BRIP1: variants seen among roughly 807,000 people sequenced by gnomAD.
The protein encoded by BRIP1 is Fanconi anemia group J protein.
BRIP1 carries 88 observed loss-of-function variants against 119.7 expected under a neutral mutation model. The observed-to-expected ratio is 0.74, with a 90% confidence interval of 0.62 to 0.88. BRIP1 has a LOEUF of 0.88. Among genes scored for constraint, BRIP1 ranks in the 40% least tolerant of loss-of-function variants. The probability of loss-of-function intolerance (pLI) is 0.00; values close to 1 mark genes in which losing one functional copy is unlikely to be tolerated. For synonymous variants in BRIP1, 443 were observed against 496.5 expected (o/e 0.89, Z 1.43); for missense variants, 1,259 against 1,455.4 (o/e 0.87, Z 2.20).
At chr17:61,830,155 A>G (rs2078469571) in intron 6 of BRIP1, among the ~76,000 whole-genome samples, 1 of 151,966 alleles carries the variant, frequency 6.6e-6, no homozygotes, top group South Asian at 2.1e-4. Context: ...CCTGGTCTCA[A>G]ACTCCTGGCC....
chr17:61,683,475 T>C lies in BRIP1; in HGVS notation c.3571A>G (p.Ile1191Val), dbSNP rs761405340. 55 of 1,613,520 alleles carry C rather than the reference T, an allele frequency of 3.4e-5. No homozygotes were observed. The highest frequency in any genetic ancestry group is 4.4e-5 in the South Asian group (4 of 91,080). ...SAREVKAEDC[I>V]DTKLNGILHI... The stretch of plus-strand genomic sequence containing the variant: ...AGAATTCCATTCAACTTTGTATCTA[T>C]GCAATCCTCAGCTTTCACTTCTCTG... The change falls in exon 20 of 20, where the codon ATA becomes GTA. Residue 1191 changes from isoleucine (I) to valine (V), a missense_variant. Transcript: ENST00000259008. This position sits in a 1 kb window ranked among gnomAD's most constrained non-coding sequence, Gnocchi z 4.7.
chr17:61,762,909 G>GA lies in BRIP1; in HGVS notation c.2097+13491dup, dbSNP rs2077298514. On this transcript the variant is annotated intron_variant, in intron 14 of 19. Transcript: ENST00000259008. The surrounding 1 kb of genome is among the most constrained non-coding windows in gnomAD (Gnocchi z 4.3). ...TAAAATTTGAAGTCAGTTTGCAGAA[G>GA]AAATATCTACACTCCCTCGTTCACT... Among the ~76,000 whole-genome samples, 1 of 151,960 alleles carries GA rather than the reference G, an allele frequency of 6.6e-6. No homozygotes were observed.
In BRIP1 at chr17:61,759,344, C is replaced by CAA. The variant is rs534501720; in HGVS notation, c.2098-14755_2098-14754dup. Among the ~76,000 whole-genome samples the CAA allele has an allele frequency of 5.3e-5, 8 of 151,612 alleles. No homozygotes were observed. The highest frequency in any genetic ancestry group is 1.2e-4 in the Non-Finnish European group (8 of 67,854). On this transcript the variant is annotated intron_variant, in intron 14 of 19. Coordinates refer to ENST00000259008, the MANE Select transcript of BRIP1 (RefSeq NM_032043.3). The surrounding 1 kb of genome is among the most constrained non-coding windows in gnomAD (Gnocchi z 4.9). ...AGAAACAACGAAGAACATTATTTAA[C>CAA]AAAAAAAGGTCAATTCATCAAGAGG...
intron 9 of BRIP1, among the ~76,000 whole-genome samples, chr17:61,797,306 A>C (rs1214816878): frequency 1.4e-5 from 2 of 147,688 alleles, no homozygotes; most frequent in African/African-American, 2.6e-5. Flanking sequence ...AGAAATGATA[A>C]AAAAAAATGG....
At position 61,679,247 on chromosome 17, in the gene BRIP1, TAAC is replaced by T. The variant is rs1473176097; in HGVS notation, c.*4046_*4048del. ...ATTAATGTTTTGAATAGAAAGATCT[TAAC>T]AACAAAGCCTTATAGAAACTTAGAA... On this transcript the variant is annotated 3_prime_UTR_variant, in exon 20 of 20. Coordinates refer to ENST00000259008, the MANE Select transcript of BRIP1 (RefSeq NM_032043.3). This position sits in a 1 kb window ranked among gnomAD's most constrained non-coding sequence, Gnocchi z 4.4. Among the ~76,000 whole-genome samples, 3 of 152,216 alleles carry T rather than the reference TAAC, an allele frequency of 2.0e-5. No homozygotes were observed. Among genetic ancestry groups the T allele is most frequent in the Non-Finnish European group, 4.4e-5 (3 of 68,022 alleles).
At chr17:61,772,208 TAA>T (rs1174598371) in intron 14 of BRIP1, among the ~76,000 whole-genome samples, 31 of 86,318 alleles carry the variant, frequency 3.6e-4, no homozygotes, top group South Asian at 2.9e-3. Flanking sequence ...TATATATATA[TAA>T]AATGAAATAT....
At position 61,693,914 on chromosome 17, in the gene BRIP1, T is replaced by A. The variant is rs898647686; in HGVS notation, c.2493-402A>T. Among the ~76,000 whole-genome samples the A allele has an allele frequency of 5.3e-5, 8 of 152,146 alleles. No homozygotes were observed. The highest frequency in any genetic ancestry group is 1.7e-4 in the African/African-American group (7 of 41,458). On this transcript the variant is annotated intron_variant, in intron 17 of 19. Coordinates refer to ENST00000259008, the MANE Select transcript of BRIP1 (RefSeq NM_032043.3). The surrounding 1 kb of genome is among the most constrained non-coding windows in gnomAD (Gnocchi z 4.2). Reference sequence around the variant, plus strand: ...ACATTTAATTTTGTCAAAAATATTCTAAAATTCAATTGACATAACATGTAG... The same window carrying A: ...ACATTTAATTTTGTCAAAAATATTCAAAAATTCAATTGACATAACATGTAG...
intron 6 of BRIP1, among the ~76,000 whole-genome samples, chr17:61,820,937 G>A (rs376058213): frequency 4.2e-5 from 6 of 142,984 alleles, no homozygotes; most frequent in South Asian, 2.3e-4. Context: ...GCAACGAAGC[G>A]AGACTCTGTC....
Position 61,713,821 on chromosome 17 carries a change from T to C in BRIP1, c.2492+2130A>G, listed in dbSNP as rs1230503991. Among the ~76,000 whole-genome samples, 1 of 151,814 alleles carries C rather than the reference T, an allele frequency of 6.6e-6. No homozygotes were observed. The highest frequency in any genetic ancestry group is 2.4e-5 in the African/African-American group (1 of 41,362). On this transcript the variant is annotated intron_variant, in intron 17 of 19. Coordinates refer to ENST00000259008, the MANE Select transcript of BRIP1 (RefSeq NM_032043.3). The surrounding 1 kb of genome is among the most constrained non-coding windows in gnomAD (Gnocchi z 4.9). ...CAGGCTTCAGCTATTGCGCTCCCCA[T>C]GTCTTCATTTTTAACAGAAAAGTTT...
At position 61,857,215 on chromosome 17, in the gene BRIP1, C is replaced by T. The variant is rs1603366432; in HGVS notation, c.222G>A (p.Glu74=). 1 of 1,613,722 alleles carries T rather than the reference C, an allele frequency of 6.2e-7. No homozygotes were observed. The highest frequency in any genetic ancestry group is 8.5e-7 in the Non-Finnish European group (1 of 1,179,720). Residue 74 remains glutamate, a synonymous_variant, in exon 4 of 20, where the codon GAG becomes GAA. Transcript: ENST00000259008. The surrounding 1 kb of genome is among the most constrained non-coding windows in gnomAD (Gnocchi z 5.1). The part of the protein sequence containing the change: ...QQSLSGKPAD[E]GVSEKAEVQL... ...GTACTTCAGCTTTTTCACTTACGCC[C>T]TCATCTGCTGGTTTCCCTAAAAATG...
intron 6 of BRIP1, among the ~76,000 whole-genome samples, chr17:61,837,353 G>A (rs1294054883): frequency 6.6e-6 from 1 of 152,070 alleles, no homozygotes; most frequent in Non-Finnish European, 1.5e-5. Context: ...GAAGAAAAAG[G>A]AAGAAAAATA....
rs1250256836 is a variant in BRIP1 at position 61,816,462 on chromosome 17, G to T, written c.628-7705C>A. 6.6e-6 allele frequency among the ~76,000 whole-genome samples: 1 copy of T among 152,124 alleles called. No individual in the cohort carries two copies. The highest frequency in any genetic ancestry group is 1.9e-4 in the East Asian group (1 of 5,196). On this transcript the variant is annotated intron_variant, in intron 6 of 19. Transcript: ENST00000259008. The surrounding 1 kb of genome is among the most constrained non-coding windows in gnomAD (Gnocchi z 5.0). ...ACGGTTGTTTTTTGATACCATAAGT[G>T]TTTGTTACCCTACTCTCCACTTACT...
At chr17:61,728,420 G>A (rs7209316) in intron 16 of BRIP1, among the ~76,000 whole-genome samples, 6,150 of 151,894 alleles carry the variant, frequency 0.04, 459 homozygotes, top group African/African-American at 0.14. Flanking sequence ...TCCAACTTCA[G>A]TAAAGCTAAG....
In BRIP1 at chr17:61,742,313, G is replaced by A. The variant is rs1176667891; in HGVS notation, c.2379+700C>T. On this transcript the variant is annotated intron_variant, in intron 16 of 19. Coordinates refer to ENST00000259008, the MANE Select transcript of BRIP1 (RefSeq NM_032043.3). The surrounding 1 kb of genome is among the most constrained non-coding windows in gnomAD (Gnocchi z 4.7). ...AGACACTAAACCTTTCTCTATATCA[G>A]TAATAAGACTGTTTGCTTATTATTT... Among the ~76,000 whole-genome samples, 1 of 152,128 alleles carries A rather than the reference G, an allele frequency of 6.6e-6. No individual in the cohort carries two copies. Among genetic ancestry groups the A allele is most frequent in the Admixed American group, 6.6e-5 (1 of 15,266 alleles).
intron 16 of BRIP1, among the ~76,000 whole-genome samples, chr17:61,719,369 G>A (rs2061935261): frequency 6.6e-6 from 1 of 151,988 alleles, no homozygotes; most frequent in African/African-American, 2.4e-5. Flanking sequence ...TACCTTAAGT[G>A]AAATAAATAA....
rs1361067597 is a variant in BRIP1, at chr17:61,699,668, T to TC, written c.2493-6157dup. ...GTTGGATTGTTTACCCCTAGAAAGG[T>TC]CTGTTTAAAGGTGTTCCTGGGCTGA... On this transcript the variant is annotated intron_variant, in intron 17 of 19. Transcript: ENST00000259008. The surrounding 1 kb of genome is among the most constrained non-coding windows in gnomAD (Gnocchi z 4.8). Among the ~76,000 whole-genome samples, 11 of 152,142 alleles carry TC rather than the reference T, an allele frequency of 7.2e-5. No homozygotes were observed. The highest frequency in any genetic ancestry group is 1.5e-5 in the Non-Finnish European group (1 of 68,016).
At chr17:61,813,919 AAGTT>A (rs2078200713) in intron 6 of BRIP1, among the ~76,000 whole-genome samples, 1 of 152,054 alleles carries the variant, frequency 6.6e-6, no homozygotes, top group Middle Eastern at 3.2e-3. Flanking sequence ...GAATTGTTTA[AAGTT>A]AGTTATATTA....
At chr17:61,697,003 A>AAGG (rs1491195142) in intron 17 of BRIP1, among the ~76,000 whole-genome samples, 7 of 121,304 alleles carry the variant, frequency 5.8e-5, no homozygotes, top group Non-Finnish European at 1.1e-4. Context: ...AAAAAAAAAA[A>AAGG]GGGGGGGGGA....
At chr17:61,817,593 C>T (rs1603350590) in intron 6 of BRIP1, among the ~76,000 whole-genome samples, 2 of 152,176 alleles carry the variant, frequency 1.3e-5, no homozygotes, top group East Asian at 1.9e-4. Flanking sequence ...GTGATGACAG[C>T]GTATTTGATA....
Sources: gnomAD v4.1 joint callset for allele counts (sites outside exome capture counted in the v4.1 genomes callset) on GRCh38, gnomAD v4.1.1 for gene constraint, Gnocchi (gnomAD v3.1) non-coding constraint, MANE v1.5 for transcripts, NCBI Gene and HGNC (gene_info 2026-07-23, HGNC 2026-07-21) for gene names.